Variants in RYR2 observed in about 807,000 individuals in gnomAD.
The protein encoded by RYR2 is ryanodine receptor 2, also known as cardiac muscle ryanodine receptor-calcium release channel.
A neutral mutation model predicts 601.1 loss-of-function variants in RYR2; 227 were observed. The observed-to-expected ratio is 0.38, with a 90% CI of 0.34 to 0.42. RYR2 has a LOEUF of 0.42. Among genes scored for constraint, RYR2 ranks in the 10% least tolerant of loss-of-function variants. The pLI is 1.00. For missense variants in RYR2, 4,646 were observed against 6,156.5 expected, an observed-to-expected ratio of 0.75 and a Z score of 8.21; for synonymous variants, 2,223 against 2,175.1, an observed-to-expected ratio of 1.02 and a Z score of -0.61.
chr1:237,722,864 T>TG (rs1469666282), intron 73 of RYR2, among the ~76,000 whole-genome samples: 1 of 149,488 alleles, frequency 6.7e-6, no homozygotes, highest in East Asian at 1.9e-4. Flanking sequence ...AGTTACCTTT[T>TG]GCCTGTATGT....
At chr1:237,387,222 C>T (rs966942960) in intron 8 of RYR2, 59 bp from the exon 9 acceptor site, 1 of 1,473,790 alleles carries the variant, frequency 6.8e-7, no homozygotes, top group Non-Finnish European at 9.5e-7. Flanking sequence ...CCTAGAAGCA[C>T]TTACATGTTA....
At chr1:237,244,392 A>G (rs1686553126) in intron 1 of RYR2, among the ~76,000 whole-genome samples, 1 of 152,076 alleles carries the variant, frequency 6.6e-6, no homozygotes, top group Non-Finnish European at 1.5e-5. Flanking sequence ...CAGCCCCCAA[A>G]TGGCATGTTC....
At position 237,585,771 on chromosome 1, in the gene RYR2, A is replaced by G. The variant is rs551795518; in HGVS notation, c.3599-4022A>G. Among the ~76,000 whole-genome samples, 21 of 152,360 alleles carry G rather than the reference A, an allele frequency of 1.4e-4. No homozygotes were observed. In the South Asian group the frequency reaches 4.4e-3, roughly 32 times the overall value. On this transcript the variant is annotated intron_variant, in intron 29 of 104. Coordinates refer to ENST00000366574, the MANE Select transcript of RYR2 (RefSeq NM_001035.3). ...TACCTGTGGAGGTACTTGCATAAAT[A>G]CATTCCTTTAAAGGGGACCAAAACA...
intron 17 of RYR2, among the ~76,000 whole-genome samples, chr1:237,474,726 C>T (rs1661210067): frequency 1.3e-5 from 2 of 152,180 alleles, no homozygotes; most frequent in Admixed American, 6.5e-5. Context: ...GGCCCTACCT[C>T]AATCTCTTGC....
intron 79 of RYR2, among the ~76,000 whole-genome samples, chr1:237,738,498 C>T (rs923091948): frequency 1.4e-4 from 22 of 152,122 alleles, no homozygotes; most frequent in South Asian, 4.2e-4. Context: ...TCAAGATGCC[C>T]TTGCTTTTCT....
intron 1 of RYR2, among the ~76,000 whole-genome samples, chr1:237,111,086 T>C (rs919347730): frequency 9.2e-5 from 14 of 152,192 alleles, no homozygotes; most frequent in African/African-American, 3.4e-4. Flanking sequence ...GTGAGGATGC[T>C]TCGAGGTTGG....
intron 39 of RYR2, 60 bp from the exon 40 acceptor site, chr1:237,625,601 T>C (rs1421425601): frequency 1.3e-6 from 2 of 1,535,150 alleles, no homozygotes; most frequent in Non-Finnish European, 1.8e-6. Flanking sequence ...GGCCTCAGAA[T>C]TATTTGCCCA....
At chr1:237,093,883 A>T (rs965289648) in intron 1 of RYR2, among the ~76,000 whole-genome samples, 18 of 152,212 alleles carry the variant, frequency 1.2e-4, no homozygotes, top group Non-Finnish European at 2.6e-4. Context: ...TGAACAGCTG[A>T]CTGAACGTGG....
intron 6 of RYR2, 140 bp downstream of exon 6, chr1:237,369,748 T>G: frequency 1.5e-6 from 1 of 677,376 alleles, no homozygotes; most frequent in Non-Finnish European, 2.5e-6. Flanking sequence ...CTTTGTACCC[T>G]TGTTAGTTTC....
At chr1:237,435,578 A>G (rs1223806565) in intron 12 of RYR2, among the ~76,000 whole-genome samples, 1 of 124,930 alleles carries the variant, frequency 8.0e-6, no homozygotes, top group Non-Finnish European at 1.5e-5. Context: ...TTTACAGAAG[A>G]TAGAGAAATT....
intron 38 of RYR2, among the ~76,000 whole-genome samples, chr1:237,622,592 C>G (rs1182671942): frequency 6.6e-6 from 1 of 152,138 alleles, no homozygotes; most frequent in Non-Finnish European, 1.5e-5. Flanking sequence ...GGTTCTGCAT[C>G]TATGGATTCA....
At position 237,476,392 on chromosome 1, in the gene RYR2, C is replaced by A. The variant is rs1166606449; in HGVS notation, c.1708+7205C>A. Among the ~76,000 whole-genome samples the A allele has an allele frequency of 2.6e-5, 4 of 151,948 alleles. No homozygotes were observed. The East Asian group carries it at 7.8e-4, about 30-fold the overall frequency. ...AGGCATGGTGGCAGGTGCCTGTAAT[C>A]CCAGCTACTCAGGAGGCCGAGGCAG... is the stretch of plus-strand genomic sequence containing the variant. On this transcript the variant is annotated intron_variant, in intron 17 of 104. Transcript: ENST00000366574.
intron 31 of RYR2, 99 bp from the exon 32 acceptor site, chr1:237,591,640 T>A: frequency 9.4e-6 from 9 of 957,764 alleles, no homozygotes; most frequent in Non-Finnish European, 1.5e-5. Flanking sequence ...GGGAGCAAAA[T>A]CGCCCAGGTT....
rs58021273 is a variant in RYR2 at position 237,065,960 on chromosome 1, G to C, written c.48+23391G>C. ...AGAGCACTTGCTCACTATCACCAGAGTAGCACCGAGGGGGAAATCCCCACC... is the reference window on the plus strand; with the variant it reads ...AGAGCACTTGCTCACTATCACCAGACTAGCACCGAGGGGGAAATCCCCACC... On this transcript the variant is annotated intron_variant, in intron 1 of 104. Coordinates refer to ENST00000366574, the MANE Select transcript of RYR2 (RefSeq NM_001035.3). Among the ~76,000 whole-genome samples the C allele has an allele frequency of 5.7e-3, 861 of 152,262 alleles. 4 individuals are homozygous for C. The highest frequency in any genetic ancestry group is 0.019 in the African/African-American group (797 of 41,550).
chr1:237,256,278 C>T (rs1453390584), intron 1 of RYR2, among the ~76,000 whole-genome samples: 1 of 152,170 alleles, frequency 6.6e-6, no homozygotes, highest in Non-Finnish European at 1.5e-5. Flanking sequence ...TCCCTAGCCA[C>T]ATGGAACTGT....
intron 11 of RYR2, among the ~76,000 whole-genome samples, chr1:237,421,116 A>G (rs1301894417): frequency 4.6e-5 from 7 of 152,098 alleles, no homozygotes; most frequent in African/African-American, 1.2e-4. Context: ...GCTGGCGCCT[A>G]TAGTCCTGGC....
Position 237,374,718 on chromosome 1 carries a change from A to T in RYR2, c.386A>T (p.Tyr129Phe). The change falls in exon 7 of 105, where the codon TAT (tyrosine) becomes TTT (phenylalanine). Residue 129 changes from tyrosine to phenylalanine, a missense_variant and splice_region_variant. By Grantham distance (22) the Tyr-to-Phe change is conservative. Transcript: ENST00000366574. Reference sequence around the variant, plus strand: ...AACTACTGATTTTGTACTTTGTAGTATCTGTGCTGCCTGTCCACCTCCCGG... The same window carrying T: ...AACTACTGATTTTGTACTTTGTAGTTTCTGTGCTGCCTGTCCACCTCCCGG... ...ILLRHSYSGMYLCCLSTSRSS... is the reference protein window; with the variant it reads ...ILLRHSYSGMFLCCLSTSRSS... 6.2e-7 allele frequency: 1 copy of T among 1,611,320 alleles called. No individual in the cohort carries two copies. Among genetic ancestry groups the T allele is most frequent in the South Asian group, 1.1e-5 (1 of 90,474 alleles).
At position 237,268,515 on chromosome 1, in the gene RYR2, G is replaced by C. The variant is rs745897363; in HGVS notation, c.49-1982G>C. ...AGATTATTTTTTAAAGCAAACAAAT[G>C]AATGTTCACTGGAAATCAGTGAGCA... On this transcript the variant is annotated intron_variant, in intron 1 of 104. Transcript: ENST00000366574. 3.3e-5 allele frequency among the ~76,000 whole-genome samples: 5 copies of C among 152,272 alleles called. No homozygotes were observed. The South Asian group carries it at 8.3e-4, about 25-fold the overall frequency.
At chr1:237,331,279 T>A (rs928987881) in intron 3 of RYR2, among the ~76,000 whole-genome samples, 1 of 152,210 alleles carries the variant, frequency 6.6e-6, no homozygotes, top group African/African-American at 2.4e-5. Context: ...TTCAGAGCTG[T>A]TATTGTTATT....
Sources: gnomAD v4.1 joint callset for allele counts (sites outside exome capture counted in the v4.1 genomes callset) on GRCh38, gnomAD v4.1.1 for gene constraint, MANE v1.5 for transcripts, NCBI Gene and HGNC (gene_info 2026-07-23, HGNC 2026-07-21) for gene names.